ABHD2: variants seen among roughly 807,000 people sequenced by gnomAD.
The protein encoded by ABHD2 is abhydrolase domain containing 2, acylglycerol lipase, also known as monoacylglycerol lipase ABHD2.
A neutral mutation model predicts 48.1 loss-of-function variants in ABHD2; 20 were observed. The ratio of observed to expected loss-of-function variants is 0.42; its 90% confidence interval spans 0.29 to 0.60. ABHD2 has a LOEUF of 0.60. ABHD2 is among the 20% of genes least tolerant of loss of function. The pLI, the probability that ABHD2 is intolerant of heterozygous loss-of-function variation, is 0.24. For synonymous variants in ABHD2, 209 were observed against 214.2 expected, an observed-to-expected ratio of 0.98 and a Z score of 0.21; for missense variants, 405 against 550.9, an observed-to-expected ratio of 0.74 and a Z score of 2.65.
intron 1 of ABHD2, among the ~76,000 whole-genome samples, chr15:89,103,457 T>C (rs751347271): frequency 6.6e-6 from 1 of 152,196 alleles, no homozygotes; most frequent in Non-Finnish European, 1.5e-5. Flanking sequence ...AATGTTTAGA[T>C]AATTCACCCA....
In ABHD2 at chr15:89,155,392, T is replaced by C. The variant is rs1186091351; in HGVS notation, c.396T>C (p.Pro132=). 1 of 1,614,202 alleles carries C rather than the reference T, an allele frequency of 6.2e-7. No homozygotes were observed. Residue 132 remains proline, a synonymous_variant, in exon 5 of 11, where the codon CCT becomes CCC. Coordinates refer to ENST00000352732, the MANE Select transcript of ABHD2 (RefSeq NM_152924.5). This position sits in a 1 kb window ranked among gnomAD's most constrained non-coding sequence, Gnocchi z 4.9. ...VGDDITMVIC[P]GIANHSEKQY... is the part of the protein sequence containing the mutation. ...ATGATATCACCATGGTCATCTGCCC[T>C]GGAATTGCCAATCACAGCGAGAAGC...
Position 89,168,506 on chromosome 15 carries a change from A to AT in ABHD2, c.539-7305dup, listed in dbSNP as rs2050870847. ...AAGGCTGATCCTGGAGCTGGGCACCATGTCTTTGCCCTTCCCTTGCATGGG... is the reference window on the plus strand; with the variant it reads ...AAGGCTGATCCTGGAGCTGGGCACCATTGTCTTTGCCCTTCCCTTGCATGGG... On this transcript the variant is annotated intron_variant, in intron 5 of 10. Transcript: ENST00000352732. The surrounding 1 kb of genome is among the most constrained non-coding windows in gnomAD (Gnocchi z 4.8). Among the ~76,000 whole-genome samples, 1 of 152,182 alleles carries AT rather than the reference A, an allele frequency of 6.6e-6. No individual in the cohort carries two copies. The highest frequency in any genetic ancestry group is 1.5e-5 in the Non-Finnish European group (1 of 68,022).
Position 89,120,028 on chromosome 15 carries a change from T to C in ABHD2, c.194+3507T>C, listed in dbSNP as rs2050023212. Among the ~76,000 whole-genome samples, 1 of 152,196 alleles carries C rather than the reference T, an allele frequency of 6.6e-6. No homozygotes were observed. Among genetic ancestry groups the C allele is most frequent in the Non-Finnish European group, 1.5e-5 (1 of 68,048 alleles). On this transcript the variant is annotated intron_variant, in intron 3 of 10. Coordinates refer to ENST00000352732, the MANE Select transcript of ABHD2 (RefSeq NM_152924.5). This position sits in a 1 kb window ranked among gnomAD's most constrained non-coding sequence, Gnocchi z 4.2. Reference sequence around the variant, plus strand: ...GTAATCCTGACCGCGGGTAGCTGGTTATGATGACATGCGCGGAATCAGGAC... The same window carrying C: ...GTAATCCTGACCGCGGGTAGCTGGTCATGATGACATGCGCGGAATCAGGAC...
intron 1 of ABHD2, among the ~76,000 whole-genome samples, chr15:89,110,101 T>G (rs1277621344): frequency 1.3e-5 from 2 of 152,202 alleles, no homozygotes; most frequent in East Asian, 3.8e-4. Flanking sequence ...TTTTATTTTT[T>G]AAGACGGACT....
rs571676673 is a variant in ABHD2 at position 89,199,649 on chromosome 15, C to G, written c.*4226C>G. 6.6e-6 allele frequency: 1 copy of G among 152,236 alleles called. No homozygotes were observed. Among genetic ancestry groups the G allele is most frequent in the African/African-American group, 2.4e-5 (1 of 41,290 alleles). 9.4% of individuals were successfully genotyped at this position (152,236 alleles called of 1,614,324 possible). Reference sequence around the variant, plus strand: ...TGGCCCAAACACCTCAGCTCTGGTCCCTTTTTGCCCTTCTTGGCCTTACTC... The same window carrying G: ...TGGCCCAAACACCTCAGCTCTGGTCGCTTTTTGCCCTTCTTGGCCTTACTC... On this transcript the variant is annotated 3_prime_UTR_variant, in exon 11 of 11. Transcript: ENST00000352732. This position sits in a 1 kb window ranked among gnomAD's most constrained non-coding sequence, Gnocchi z 4.1.
At chr15:89,115,609 A>G (rs1253648390) in intron 2 of ABHD2, among the ~76,000 whole-genome samples, 1 of 152,178 alleles carries the variant, frequency 6.6e-6, no homozygotes, top group Non-Finnish European at 1.5e-5. Flanking sequence ...CGCAGGGGGA[A>G]AAAACAAAAC....
At chr15:89,055,478 G>A in the ABHD2 span, among the ~76,000 whole-genome samples, 2 of 151,644 alleles carry the variant, frequency 1.3e-5, no homozygotes, top group African/African-American at 2.4e-5. Flanking sequence ...GACTATAGGC[G>A]AATGCCATCA....
At chr15:89,143,850 C>T (rs2050448138) in intron 3 of ABHD2, among the ~76,000 whole-genome samples, 1 of 151,868 alleles carries the variant, frequency 6.6e-6, no homozygotes. Flanking sequence ...ACTAGGATAG[C>T]TATAGTAATT....
intron 5 of ABHD2, among the ~76,000 whole-genome samples, chr15:89,159,244 G>A (rs1367141747): frequency 1.3e-5 from 2 of 152,012 alleles, no homozygotes; most frequent in Non-Finnish European, 2.9e-5. Context: ...AGGCATGGTG[G>A]CAGGCACCTG....
intron 1 of ABHD2, among the ~76,000 whole-genome samples, chr15:89,112,384 G>T (rs1463442264): frequency 6.6e-6 from 1 of 152,180 alleles, no homozygotes; most frequent in East Asian, 1.9e-4. Context: ...TGCCAGTTTA[G>T]GATCTTTGAT....
chr15:89,131,290 A>G (rs1181803709), intron 3 of ABHD2, among the ~76,000 whole-genome samples: 1 of 152,146 alleles, frequency 6.6e-6, no homozygotes, highest in Non-Finnish European at 1.5e-5. Flanking sequence ...TTCTCTCTTG[A>G]CTATGTCTTA....
At chr15:89,193,952 A>T (rs571891149) in intron 10 of ABHD2, among the ~76,000 whole-genome samples, 1 of 150,750 alleles carries the variant, frequency 6.6e-6, no homozygotes, top group African/African-American at 2.4e-5. Flanking sequence ...TTAGCTGGGC[A>T]TGGTGGCACA....
rs2051182509 is a variant in ABHD2 at position 89,185,033 on chromosome 15, A to G, written c.723-391A>G. On this transcript the variant is annotated intron_variant, in intron 6 of 10. Transcript: ENST00000352732. The surrounding 1 kb of genome is among the most constrained non-coding windows in gnomAD (Gnocchi z 5.9). ...CACTCTCCCGTTCCATGTGCCAGTC[A>G]TTAAACCAGAAAACTTGCCTGCCAG... Among the ~76,000 whole-genome samples the G allele has an allele frequency of 6.6e-6, 1 of 152,228 alleles. No homozygotes were observed. Among genetic ancestry groups the G allele is most frequent in the Non-Finnish European group, 1.5e-5 (1 of 68,036 alleles).
Position 89,116,325 on chromosome 15 carries a change from A to G in ABHD2, c.-3A>G, listed in dbSNP as rs1290890832. On this transcript the variant is annotated 5_prime_UTR_variant, in exon 3 of 11. Coordinates refer to ENST00000352732, the MANE Select transcript of ABHD2 (RefSeq NM_152924.5). The surrounding 1 kb of genome is among the most constrained non-coding windows in gnomAD (Gnocchi z 4.6). The stretch of plus-strand genomic sequence containing the variant: ...GACCTGTGCCTCTGCTCCCCAGATC[A>G]AGATGAATGCCATGCTGGAGACTCC... 2.5e-6 allele frequency: 4 copies of G among 1,612,760 alleles called. No individual in the cohort carries two copies. The African/African-American group carries it at 4.0e-5, about 16-fold the overall frequency.
chr15:89,138,672 A>G (rs1567085898), intron 3 of ABHD2, among the ~76,000 whole-genome samples: 1 of 152,210 alleles, frequency 6.6e-6, no homozygotes, highest in Non-Finnish European at 1.5e-5. Context: ...AAGCTCCAAC[A>G]AATTCAGTTT....
chr15:89,073,844 T>C, the ABHD2 span, among the ~76,000 whole-genome samples: 2 of 152,176 alleles, frequency 1.3e-5, no homozygotes, highest in African/African-American at 2.4e-5. Context: ...GGAGGGCTTA[T>C]TAAACCGCAT....
intron 3 of ABHD2, among the ~76,000 whole-genome samples, chr15:89,127,734 T>C (rs1306580358): frequency 1.4e-5 from 2 of 141,832 alleles, no homozygotes; most frequent in African/African-American, 5.3e-5. Flanking sequence ...TATATATATA[T>C]ATATATGTAT....
intron 3 of ABHD2, among the ~76,000 whole-genome samples, chr15:89,128,862 G>A (rs1198168484): frequency 1.3e-5 from 2 of 152,070 alleles, no homozygotes; most frequent in Admixed American, 6.5e-5. Context: ...GCTTGATCCT[G>A]TGAGCACTGG....
intron 1 of ABHD2, among the ~76,000 whole-genome samples, chr15:89,111,168 GT>G (rs2049869079): frequency 6.6e-6 from 1 of 151,944 alleles, no homozygotes; most frequent in African/African-American, 2.4e-5. Flanking sequence ...CCTTTCCAGT[GT>G]TTTAAAATTT....
Sources: gnomAD v4.1 joint callset for allele counts (sites outside exome capture counted in the v4.1 genomes callset) on GRCh38, gnomAD v4.1.1 for gene constraint, Gnocchi (gnomAD v3.1) non-coding constraint, MANE v1.5 for transcripts, NCBI Gene and HGNC (gene_info 2026-07-23, HGNC 2026-07-21) for gene names.